Variants in ZZZ3 observed in about 807,000 individuals in gnomAD.
ZZZ3 encodes the protein zinc finger ZZ-type containing 3, also known as ZZ-type zinc finger-containing protein 3.
ZZZ3 carries 22 observed loss-of-function variants against 95.2 expected under a neutral mutation model. That is an observed-to-expected ratio of 0.23 (90% confidence interval 0.17 to 0.33). The LOEUF is 0.33. Among genes scored for constraint, ZZZ3 ranks in the 10% least tolerant of loss-of-function variants. The pLI is 1.00. For missense variants in ZZZ3, 885 were observed against 1,066.5 expected (o/e 0.83, Z 2.37); for synonymous variants, 335 against 358.9 (o/e 0.93, Z 0.75).
At chr1:77,615,179 A>G (rs1256594619) in intron 5 of ZZZ3, among the ~76,000 whole-genome samples, 1 of 152,232 alleles carries the variant, frequency 6.6e-6, no homozygotes, top group East Asian at 1.9e-4. Context: ...CATCACAGTA[A>G]ATGAATTTTG....
At chr1:77,641,011 GT>G (rs1336551240) in intron 3 of ZZZ3, 2 of 152,158 alleles carry the variant, frequency 1.3e-5, no homozygotes, top group African/African-American at 4.8e-5. Context: ...AATGTTCTAA[GT>G]TAACATGGGG....
At chr1:77,581,617 G>A (rs754422875) in intron 8 of ZZZ3, among the ~76,000 whole-genome samples, 159 bp downstream of exon 8, 2 of 152,218 alleles carry the variant, frequency 1.3e-5, no homozygotes, top group Non-Finnish European at 2.9e-5. Context: ...CGGCTAGTAA[G>A]TTAGGACTCC....
chr1:77,566,193 TC>T lies in ZZZ3; in HGVS notation c.2467-13del, dbSNP rs759488410. 4.6e-4 allele frequency: 735 copies of T among 1,582,002 alleles called. 1 individual carries two copies. Among genetic ancestry groups the T allele is most frequent in the Non-Finnish European group, 5.8e-4 (672 of 1,157,496 alleles). On this transcript the variant is annotated splice_polypyrimidine_tract_variant and intron_variant, in intron 13 of 14. Coordinates refer to ENST00000370801, the MANE Select transcript of ZZZ3 (RefSeq NM_015534.6). ...CCACAGTTATCACACTATAACAGATTCAGAGAGAAAATGTATTAAGTTATAC... is the reference window on the plus strand; with the variant it reads ...CCACAGTTATCACACTATAACAGATTAGAGAGAAAATGTATTAAGTTATAC...
At chr1:77,625,069 G>T (rs1483141868) in intron 5 of ZZZ3, among the ~76,000 whole-genome samples, 1 of 151,814 alleles carries the variant, frequency 6.6e-6, no homozygotes, top group Non-Finnish European at 1.5e-5. Context: ...AGTATAGAAG[G>T]AAAAAAGTTG....
At chr1:77,659,048 G>A (rs934521708) in intron 1 of ZZZ3, among the ~76,000 whole-genome samples, 8 of 151,428 alleles carry the variant, frequency 5.3e-5, no homozygotes, top group Non-Finnish European at 8.8e-5. Context: ...GAGAAACCCC[G>A]TCTCTACTAA....
chr1:77,623,733 T>C (rs539175639), intron 5 of ZZZ3, among the ~76,000 whole-genome samples: 126 of 152,340 alleles, frequency 8.3e-4, no homozygotes, highest in Non-Finnish European at 1.2e-3. Flanking sequence ...TTAGTAGACA[T>C]GTGAAAATTC....
At chr1:77,675,329 G>C (rs1032643765) in intron 1 of ZZZ3, among the ~76,000 whole-genome samples, 6 of 151,780 alleles carry the variant, frequency 4.0e-5, no homozygotes, top group African/African-American at 1.2e-4. Flanking sequence ...TTTAACTTCT[G>C]ACCAATTAAA....
chr1:77,676,018 A>G (rs1434156468), intron 1 of ZZZ3, among the ~76,000 whole-genome samples: 1 of 152,222 alleles, frequency 6.6e-6, no homozygotes. Flanking sequence ...TTTTCACTAA[A>G]TATCTTAGAG....
chr1:77,621,558 G>T (rs577384849), intron 5 of ZZZ3, among the ~76,000 whole-genome samples: 1 of 150,106 alleles, frequency 6.7e-6, no homozygotes, highest in East Asian at 2.0e-4. Context: ...CCTCACACCT[G>T]CAATCCCAGC....
chr1:77,578,648 G>A (rs1662203282), intron 11 of ZZZ3, 126 bp downstream of exon 11: 1 of 497,696 alleles, frequency 2.0e-6, no homozygotes, highest in Admixed American at 4.4e-5. Flanking sequence ...ACAATATAAG[G>A]AAATGCTTAG....
chr1:77,586,432 CA>C (rs904842794), intron 5 of ZZZ3, among the ~76,000 whole-genome samples: 1 of 151,978 alleles, frequency 6.6e-6, no homozygotes, highest in African/African-American at 2.4e-5. Context: ...AATAGGGTTA[CA>C]AAAAAACAAG....
intron 5 of ZZZ3, among the ~76,000 whole-genome samples, chr1:77,596,021 C>T (rs577235493): frequency 1.3e-5 from 2 of 152,090 alleles, no homozygotes; most frequent in African/African-American, 4.8e-5. Flanking sequence ...GAATTTGAGG[C>T]TTAATACCAA....
intron 1 of ZZZ3, among the ~76,000 whole-genome samples, chr1:77,646,658 C>A (rs1669305351): frequency 6.6e-6 from 1 of 152,110 alleles, no homozygotes; most frequent in Non-Finnish European, 1.5e-5. Context: ...ATGCTCCCAC[C>A]TGAAACAACT....
intron 1 of ZZZ3, among the ~76,000 whole-genome samples, chr1:77,664,123 T>C (rs978321404): frequency 2.0e-5 from 3 of 152,126 alleles, no homozygotes; most frequent in Admixed American, 6.5e-5. Flanking sequence ...CTTTCTGTTC[T>C]ATTGTTATTG....
intron 11 of ZZZ3, among the ~76,000 whole-genome samples, chr1:77,576,799 A>C (rs943751147): frequency 6.6e-6 from 1 of 152,136 alleles, no homozygotes; most frequent in Middle Eastern, 3.2e-3. Flanking sequence ...AATTTCTTGT[A>C]ATGTTTTAAG....
chr1:77,595,755 G>A (rs1664157958), intron 5 of ZZZ3, among the ~76,000 whole-genome samples: 1 of 151,976 alleles, frequency 6.6e-6, no homozygotes, highest in Admixed American at 6.6e-5. Context: ...GGAGAGAGAT[G>A]AAAATGGCAA....
rs1162945723 is a variant in ZZZ3, at chr1:77,578,872, A to C, written c.2083-3T>G. The stretch of plus-strand genomic sequence containing the variant: ...TACTTCTGTACTCGGCTGGCAACCT[A>C]AGGAAACATGACAAGTCTCTTAACA... On this transcript the variant is annotated splice_polypyrimidine_tract_variant and splice_region_variant and intron_variant, in intron 10 of 14. Transcript: ENST00000370801. 1 of 1,545,972 alleles carries C rather than the reference A, an allele frequency of 6.5e-7. No homozygotes were observed. Among genetic ancestry groups the C allele is most frequent in the African/African-American group, 1.4e-5 (1 of 71,054 alleles).
rs754181114 is a variant in ZZZ3 at position 77,565,792 on chromosome 1, GA to G, written c.2568-9del. On this transcript the variant is annotated splice_polypyrimidine_tract_variant and intron_variant, in intron 14 of 14. Transcript: ENST00000370801. ...ATATCTGTTTCATGTAGACTGTAAA[GA>G]AAAAAAGACACACATCATTACATGG... 1 of 1,602,332 alleles carries G rather than the reference GA, an allele frequency of 6.2e-7. No individual in the cohort carries two copies. Among genetic ancestry groups the G allele is most frequent in the Non-Finnish European group, 8.5e-7 (1 of 1,175,782 alleles).
intron 5 of ZZZ3, among the ~76,000 whole-genome samples, chr1:77,600,719 T>C (rs182044954): frequency 1.3e-5 from 2 of 152,236 alleles, no homozygotes; most frequent in Admixed American, 6.5e-5. Flanking sequence ...CACAGGACTT[T>C]AGGACCACAA....
Sources: gnomAD v4.1 joint callset for allele counts (sites outside exome capture counted in the v4.1 genomes callset) on GRCh38, gnomAD v4.1.1 for gene constraint, MANE v1.5 for transcripts, NCBI Gene and HGNC (gene_info 2026-07-23, HGNC 2026-07-21) for gene names.